USP50: variants seen among roughly 807,000 people sequenced by gnomAD.
USP50 encodes ubiquitin specific peptidase 50, also known as ubiquitin carboxyl-terminal hydrolase 50.
In USP50, 37 loss-of-function variants were observed where a neutral mutation model predicts 39.2. The observed-to-expected ratio is 0.94, with a 90% CI of 0.73 to 1.24. USP50 has a LOEUF of 1.24. Ranked by LOEUF, USP50 falls within the 50% of genes most tolerant of loss-of-function variation. The probability of loss-of-function intolerance (pLI) is 0.00; values close to 1 mark genes in which losing one functional copy is unlikely to be tolerated. For synonymous variants in USP50, 139 were observed against 144.5 expected, an observed-to-expected ratio of 0.96 and a Z score of 0.27; for missense variants, 374 against 398.2, an observed-to-expected ratio of 0.94 and a Z score of 0.52.
chr15:50,524,182 C>T (rs544654317), intron 6 of USP50, among the ~76,000 whole-genome samples: 1 of 152,288 alleles, frequency 6.6e-6, no homozygotes, highest in South Asian at 2.1e-4. Flanking sequence ...TAAAAGTAAA[C>T]ATGGAGACGC....
chr15:50,505,252 C>G (rs1034558020), intron 6 of USP50: 1 of 151,922 alleles, frequency 6.6e-6, no homozygotes, highest in African/African-American at 2.4e-5. Context: ...TGCAGAACAA[C>G]AGAGACAAAG....
At chr15:50,505,260 A>C (rs181603085) in intron 6 of USP50, 2 of 152,298 alleles carry the variant, frequency 1.3e-5, no homozygotes, top group Admixed American at 1.3e-4. Flanking sequence ...AACAGAGACA[A>C]AGAGAAAAAG....
chr15:50,493,984 T>C, downstream of USP50: 1 of 1,438,190 alleles, frequency 7.0e-7, no homozygotes, highest in Non-Finnish European at 9.7e-7. Context: ...TGTGAATAAT[T>C]TCATGTTGAC....
intron 6 of USP50, chr15:50,513,993 CA>C (rs2052773538): frequency 6.6e-6 from 1 of 152,136 alleles, no homozygotes; most frequent in African/African-American, 2.4e-5. Context: ...TTGCATTAGT[CA>C]AAAGCTAGTA....
rs756748788 is a variant in USP50 at position 50,546,571 on chromosome 15, T to G, written c.-46A>C. 3.7e-6 allele frequency: 6 copies of G among 1,601,554 alleles called. No homozygotes were observed. In the East Asian group the frequency reaches 1.1e-4, roughly 30 times the overall value. ...CTTTTGCTTCTATTCAGGAGCTACATCTATTCCTTTCAACTTCATTTCTCT... is the reference window on the plus strand; with the variant it reads ...CTTTTGCTTCTATTCAGGAGCTACAGCTATTCCTTTCAACTTCATTTCTCT... On this transcript the variant is annotated 5_prime_UTR_variant, in exon 1 of 7. The change abolishes an upstream ATG in the 5' untranslated region. Coordinates refer to ENST00000532404, the MANE Select transcript of USP50 (RefSeq NM_203494.5).
At chr15:50,518,559 G>C (rs1196142137) in intron 6 of USP50, among the ~76,000 whole-genome samples, 3 of 151,732 alleles carry the variant, frequency 2.0e-5, no homozygotes, top group Non-Finnish European at 4.4e-5. Context: ...ATGGGGAAAG[G>C]ACACCTGCTT....
intron 5 of USP50, among the ~76,000 whole-genome samples, chr15:50,534,560 C>G (rs1388060609): frequency 6.6e-6 from 1 of 152,130 alleles, no homozygotes; most frequent in Admixed American, 6.5e-5. Flanking sequence ...AATTAAAACA[C>G]AGATTGTTTT....
intron 6 of USP50, among the ~76,000 whole-genome samples, chr15:50,523,709 G>A (rs996757966): frequency 2.0e-5 from 3 of 151,994 alleles, no homozygotes; most frequent in East Asian, 1.9e-4. Flanking sequence ...TCCATACTAC[G>A]TAAAACAATC....
rs140551048 is a variant in USP50 at position 50,515,886 on chromosome 15, T to C, written c.936+13911A>G. On this transcript the variant is annotated intron_variant, in intron 6 of 6. Transcript: ENST00000532404. ...AGCAAAATATTTGATATAACCTAACTGCCCAGCAACAGGAGAAATGATAGA... is the reference window on the plus strand; with the variant it reads ...AGCAAAATATTTGATATAACCTAACCGCCCAGCAACAGGAGAAATGATAGA... Among the ~76,000 whole-genome samples, 610 of 152,198 alleles carry C rather than the reference T, an allele frequency of 4.0e-3. 5 individuals carry two copies. The highest frequency in any genetic ancestry group is 0.014 in the African/African-American group (576 of 41,526).
intron 6 of USP50, chr15:50,512,744 A>C (rs1464732022): frequency 6.6e-6 from 1 of 152,034 alleles, no homozygotes. Flanking sequence ...GTGAGCCGAG[A>C]TCACACCACC....
intron 5 of USP50, among the ~76,000 whole-genome samples, chr15:50,531,009 G>A (rs973013932): frequency 2.6e-5 from 4 of 151,746 alleles, no homozygotes; most frequent in African/African-American, 9.7e-5. Context: ...ATTGTTACAT[G>A]GATCCTAAGT....
rs1031494420 is a variant in USP50 at position 50,500,717 on chromosome 15, T to G, written c.*52A>C. On this transcript the variant is annotated 3_prime_UTR_variant, in exon 7 of 7. Transcript: ENST00000532404. ...CTATAGAACAGGAGATCCATAGCAT[T>G]TTGAACAGAAGTATCTGGAATCTCA... 7.2e-6 allele frequency: 11 copies of G among 1,522,076 alleles called. No homozygotes were observed. The African/African-American group carries it at 1.4e-4, about 19-fold the overall frequency. 94.3% of individuals were successfully genotyped at this position (1,522,076 alleles called of 1,614,324 possible).
chr15:50,530,639 C>T (rs2052932897), intron 5 of USP50, among the ~76,000 whole-genome samples: 2 of 151,884 alleles, frequency 1.3e-5, no homozygotes, highest in African/African-American at 4.8e-5. Context: ...TTGGTACAGA[C>T]TTATAAATTA....
At chr15:50,493,583 G>A (rs546113190), downstream of USP50, 199 of 473,518 alleles carry the variant, frequency 4.2e-4, 5 homozygotes, top group South Asian at 2.5e-3. Context: ...GCAAAACTCC[G>A]TCTCTACAAA....
chr15:50,520,858 T>C (rs2052844185), intron 6 of USP50, among the ~76,000 whole-genome samples: 1 of 152,160 alleles, frequency 6.6e-6, no homozygotes, highest in Non-Finnish European at 1.5e-5. Flanking sequence ...GGCTGGTTAA[T>C]AGATACAAAC....
intron 6 of USP50, among the ~76,000 whole-genome samples, chr15:50,525,806 ATAT>A (rs149341366): frequency 0.56 from 83,019 of 147,744 alleles, 23,469 homozygotes; most frequent in Admixed American, 0.62. Flanking sequence ...ATTAAAAATA[ATAT>A]TAATGAGTTT....
At chr15:50,507,445 T>C (rs934394001) in intron 6 of USP50, 7 of 152,160 alleles carry the variant, frequency 4.6e-5, no homozygotes, top group African/African-American at 1.7e-4. Flanking sequence ...TTGTCGTAGG[T>C]AGATATGACC....
chr15:50,532,373 C>G (rs2052947846), intron 5 of USP50: 1 of 368,798 alleles, frequency 2.7e-6, no homozygotes, highest in Admixed American at 3.4e-5. Context: ...AGGAAAACAC[C>G]CAACTCCAGC....
chr15:50,528,146 A>G (rs2052913911), intron 6 of USP50, among the ~76,000 whole-genome samples: 1 of 148,542 alleles, frequency 6.7e-6, no homozygotes, highest in Non-Finnish European at 1.5e-5. Context: ...GACTCAAGTG[A>G]TCCTCCTATC....
Sources: gnomAD v4.1 joint callset for allele counts (sites outside exome capture counted in the v4.1 genomes callset) on GRCh38, gnomAD v4.1.1 for gene constraint, MANE v1.5 for transcripts, NCBI Gene and HGNC (gene_info 2026-07-23, HGNC 2026-07-21) for gene names.